SDK1: variants seen among roughly 807,000 people sequenced by gnomAD.
SDK1 encodes protein sidekick-1.
Under a neutral mutation model 245.5 loss-of-function variants are expected in SDK1, and 157 were observed. The observed-to-expected ratio is 0.64, with a 90% CI of 0.56 to 0.73. The LOEUF (loss-of-function observed/expected upper bound fraction) is 0.73, where lower values mean the gene tolerates loss of function less well. SDK1 is among the 30% of genes least tolerant of loss of function. The probability of loss-of-function intolerance (pLI) is 0.00; values close to 1 mark genes in which losing one functional copy is unlikely to be tolerated. For synonymous variants in SDK1, 1,647 were observed against 1,278.5 expected (o/e 1.29, Z -6.15); for missense variants, 3,583 against 3,002.3 (o/e 1.19, Z -4.52).
intron 23 of SDK1, among the ~76,000 whole-genome samples, chr7:4,111,127 G>A (rs571121726): frequency 1.2e-4 from 19 of 152,288 alleles, no homozygotes; most frequent in East Asian, 3.9e-4. Context: ...TTAACGTGCC[G>A]TGTGCAAACA....
chr7:3,683,781 A>G (rs544077992), intron 4 of SDK1, among the ~76,000 whole-genome samples: 1 of 152,232 alleles, frequency 6.6e-6, no homozygotes, highest in Non-Finnish European at 1.5e-5. Context: ...TACACGGCAC[A>G]TGTCCTAACA....
At chr7:3,997,614 C>A (rs924487429) in intron 14 of SDK1, among the ~76,000 whole-genome samples, 1 of 152,184 alleles carries the variant, frequency 6.6e-6, no homozygotes, top group African/African-American at 2.4e-5. Flanking sequence ...AGCTGGTCCT[C>A]CTGTCATCTG....
At chr7:3,657,623 G>T (rs1314774506) in intron 4 of SDK1, among the ~76,000 whole-genome samples, 1 of 151,550 alleles carries the variant, frequency 6.6e-6, no homozygotes, top group Non-Finnish European at 1.5e-5. Context: ...CTGTGAAATG[G>T]GGTCAAGCCA....
At chr7:3,392,361 C>G (rs537249562) in intron 1 of SDK1, among the ~76,000 whole-genome samples, 1 of 152,084 alleles carries the variant, frequency 6.6e-6, no homozygotes, top group African/African-American at 2.4e-5. Flanking sequence ...AATCTTTGTC[C>G]AATTGTGGTG....
chr7:3,653,749 G>A (rs979726504), intron 4 of SDK1, among the ~76,000 whole-genome samples: 3 of 152,142 alleles, frequency 2.0e-5, no homozygotes, highest in African/African-American at 7.2e-5. Flanking sequence ...GTTTGCTCTA[G>A]CTAGACTAGA....
At chr7:3,811,652 G>C (rs947242488) in intron 4 of SDK1, among the ~76,000 whole-genome samples, 2 of 152,176 alleles carry the variant, frequency 1.3e-5, no homozygotes, top group African/African-American at 4.8e-5. Context: ...GCTGGGAGTA[G>C]TCAGGGAGCC....
intron 34 of SDK1, among the ~76,000 whole-genome samples, chr7:4,176,654 C>T (rs1214473161): frequency 2.0e-5 from 3 of 152,170 alleles, no homozygotes; most frequent in African/African-American, 7.2e-5. Flanking sequence ...TCGTTATACC[C>T]CTCCCCACCA....
chr7:4,051,478 A>G (rs1300745336), intron 18 of SDK1, among the ~76,000 whole-genome samples, 160 bp from the exon 19 acceptor site: 89 of 151,942 alleles, frequency 5.9e-4, no homozygotes, highest in Non-Finnish European at 2.9e-5. Context: ...ATATATTTTT[A>G]TCTCAACTTT....
chr7:4,130,452 C>G, intron 27 of SDK1: 1 of 251,446 alleles, frequency 4.0e-6, no homozygotes, highest in Non-Finnish European at 7.6e-6. Flanking sequence ...GCCCCCTTAT[C>G]TGGCAACACA....
chr7:4,060,537 A>G (rs1779472403), intron 19 of SDK1, among the ~76,000 whole-genome samples: 1 of 151,944 alleles, frequency 6.6e-6, no homozygotes, highest in Non-Finnish European at 1.5e-5. Context: ...GATTCTGGAT[A>G]TTAGCCCTTT....
At chr7:3,694,362 G>A (rs992390286) in intron 4 of SDK1, among the ~76,000 whole-genome samples, 1 of 152,124 alleles carries the variant, frequency 6.6e-6, no homozygotes, top group African/African-American at 2.4e-5. Context: ...GTTTCATTTA[G>A]CTCAACACCC....
At chr7:3,627,542 G>C (rs1782158566) in intron 2 of SDK1, among the ~76,000 whole-genome samples, 1 of 152,186 alleles carries the variant, frequency 6.6e-6, no homozygotes. Flanking sequence ...TCAAATATAA[G>C]CATCCAGTCC....
In SDK1 at chr7:4,137,608, A is replaced by T. The variant is rs186149145; in HGVS notation, c.4228+5185A>T. Among the ~76,000 whole-genome samples the T allele has an allele frequency of 2.2e-4, 34 of 152,290 alleles. No homozygotes were observed. The East Asian group carries it at 6.2e-3, about 28-fold the overall frequency. The stretch of plus-strand genomic sequence containing the variant: ...ATGTTTTTAATCTTCCATTTGGATC[A>T]ATGTGTCTCGTACTTGGCCTTGCTC... On this transcript the variant is annotated intron_variant, in intron 28 of 44. Coordinates refer to ENST00000404826, the MANE Select transcript of SDK1 (RefSeq NM_152744.4).
At chr7:3,501,897 G>C (rs1400505723) in intron 1 of SDK1, among the ~76,000 whole-genome samples, 7 of 152,124 alleles carry the variant, frequency 4.6e-5, no homozygotes, top group African/African-American at 1.7e-4. Flanking sequence ...ATTTGGAAAT[G>C]TAACTATTTG....
chr7:3,615,428 A>G (rs1781735564), intron 1 of SDK1, among the ~76,000 whole-genome samples: 1 of 151,882 alleles, frequency 6.6e-6, no homozygotes, highest in East Asian at 1.9e-4. Context: ...CAGCAGAAGC[A>G]GGCAGAACTC....
intron 1 of SDK1, among the ~76,000 whole-genome samples, chr7:3,452,751 A>G (rs1277415504): frequency 1.3e-5 from 2 of 151,996 alleles, no homozygotes; most frequent in African/African-American, 2.4e-5. Flanking sequence ...CCCCTCCTCC[A>G]CCACCCTGTT....
At chr7:3,852,675 C>T (rs1271066621) in intron 5 of SDK1, among the ~76,000 whole-genome samples, 9 of 137,658 alleles carry the variant, frequency 6.5e-5, no homozygotes, top group South Asian at 2.3e-4. Flanking sequence ...GGCGGGAACC[C>T]GGGAGGCAGA....
intron 5 of SDK1, among the ~76,000 whole-genome samples, chr7:3,870,804 C>A (rs1354523751): frequency 1.3e-5 from 2 of 152,132 alleles, no homozygotes; most frequent in African/African-American, 4.8e-5. Context: ...TTGTCTGTTG[C>A]AGTATCCACT....
Position 3,962,708 on chromosome 7 carries a change from G to A in SDK1, c.1286G>A (p.Arg429Lys). Residue 429 changes from arginine to lysine, a missense_variant, in exon 9 of 45, where the codon AGG (arginine) becomes AAG (lysine). Physicochemically the swap from Arg to Lys is conservative, Grantham distance 26. Coordinates refer to ENST00000404826, the MANE Select transcript of SDK1 (RefSeq NM_152744.4). ...QWYKDAISIS[R>K]LQNPRYKVLA... ...TACAAGGATGCCATCTCCATCAGCA[G>A]GCTCCAGAATCCTCGATACAAAGTG... 1 of 1,613,844 alleles carries A rather than the reference G, an allele frequency of 6.2e-7. No homozygotes were observed. The highest frequency in any genetic ancestry group is 2.2e-5 in the East Asian group (1 of 44,886).
Sources: gnomAD v4.1 joint callset for allele counts (sites outside exome capture counted in the v4.1 genomes callset) on GRCh38, gnomAD v4.1.1 for gene constraint, MANE v1.5 for transcripts, NCBI Gene and HGNC (gene_info 2026-07-23, HGNC 2026-07-21) for gene names.